COL14A1: variants seen among roughly 807,000 people sequenced by gnomAD.
COL14A1 encodes collagen alpha-1(XIV) chain.
Under a neutral mutation model 230.3 loss-of-function variants are expected in COL14A1, and 136 were observed. That is an observed-to-expected ratio of 0.59 (90% CI 0.51 to 0.68). COL14A1 has a LOEUF of 0.68. COL14A1 is among the 30% of genes least tolerant of loss of function. COL14A1 has a pLI of 0.00. For synonymous variants in COL14A1, 792 were observed against 784.1 expected, an observed-to-expected ratio of 1.01 and a Z score of -0.17; for missense variants, 1,976 against 2,215.8, an observed-to-expected ratio of 0.89 and a Z score of 2.17.
rs570900423 is a variant in COL14A1, at chr8:120,127,573, G to A, written c.-38+2233G>A. Among the ~76,000 whole-genome samples, 4 of 152,354 alleles carry A rather than the reference G, an allele frequency of 2.6e-5. No individual in the cohort carries two copies. The South Asian group carries it at 8.3e-4, about 32-fold the overall frequency. ...TCTTGATTTTTCAGAATCAGCCAGG[G>A]CTGCTCTTAAAAATGGGCTGAACAA... On this transcript the variant is annotated intron_variant, in intron 1 of 47. Transcript: ENST00000297848.
At chr8:120,318,021 T>C (rs1456233957) in intron 40 of COL14A1, among the ~76,000 whole-genome samples, 1 of 152,202 alleles carries the variant, frequency 6.6e-6, no homozygotes, top group Admixed American at 6.5e-5. Flanking sequence ...GTATGATTCC[T>C]GTGATGATTC....
chr8:120,340,281 C>T (rs1009465197), intron 42 of COL14A1, among the ~76,000 whole-genome samples: 8 of 152,130 alleles, frequency 5.3e-5, no homozygotes, highest in African/African-American at 1.9e-4. Flanking sequence ...AGCTTGAAAT[C>T]AGCTGTGATA....
chr8:120,320,807 A>G (rs1821412859), intron 40 of COL14A1, among the ~76,000 whole-genome samples: 1 of 152,182 alleles, frequency 6.6e-6, no homozygotes, highest in South Asian at 2.1e-4. Flanking sequence ...GTTGAGACTG[A>G]ACAGATTATT....
At chr8:120,331,982 A>G (rs1200559651) in intron 40 of COL14A1, among the ~76,000 whole-genome samples, 159 bp from the exon 41 acceptor site, 2 of 152,212 alleles carry the variant, frequency 1.3e-5, no homozygotes, top group East Asian at 3.9e-4. Flanking sequence ...AAACCTTGCC[A>G]AAAACAATTT....
At chr8:120,169,397 T>G (rs1816027897) in intron 5 of COL14A1, among the ~76,000 whole-genome samples, 5 of 152,204 alleles carry the variant, frequency 3.3e-5, no homozygotes, top group South Asian at 4.1e-4. Flanking sequence ...TTGAAATCCT[T>G]AATATTGAAA....
chr8:120,349,439 A>G (rs1822663940), intron 45 of COL14A1, among the ~76,000 whole-genome samples: 1 of 145,936 alleles, frequency 6.9e-6, no homozygotes, highest in Non-Finnish European at 1.5e-5. Context: ...AATTACTCTG[A>G]GCTACGGGAG....
At chr8:120,327,211 T>C (rs1586867408) in intron 40 of COL14A1, among the ~76,000 whole-genome samples, 2 of 152,152 alleles carry the variant, frequency 1.3e-5, no homozygotes, top group East Asian at 3.9e-4. Context: ...ACTTGGCAGG[T>C]GAACTACATC....
At chr8:120,262,774 A>G (rs897221777) in intron 23 of COL14A1, 94 bp from the exon 24 acceptor site, 1 of 1,235,868 alleles carries the variant, frequency 8.1e-7, no homozygotes. Context: ...GTGGGCTAAC[A>G]TGTGAAGTAT....
intron 2 of COL14A1, 29 bp downstream of exon 2, chr8:120,147,959 G>T (rs746274104): frequency 2.1e-6 from 3 of 1,442,292 alleles, no homozygotes; most frequent in Non-Finnish European, 1.9e-6. Context: ...AATCAGTAGG[G>T]TCTGGGACTC....
chr8:120,364,963 A>T (rs771356537), intron 45 of COL14A1, among the ~76,000 whole-genome samples: 3 of 151,870 alleles, frequency 2.0e-5, no homozygotes, highest in African/African-American at 7.3e-5. Flanking sequence ...TTGTGTCTTT[A>T]GGCATTTTCC....
chr8:120,313,678 T>C (rs1821116908), intron 37 of COL14A1, among the ~76,000 whole-genome samples: 1 of 152,246 alleles, frequency 6.6e-6, no homozygotes, highest in South Asian at 2.1e-4. Flanking sequence ...AGCACTCTTA[T>C]TTACAGAAGC....
At chr8:120,124,907 C>A (rs550805076), upstream of COL14A1, among the ~76,000 whole-genome samples, 1 of 152,118 alleles carries the variant, frequency 6.6e-6, no homozygotes, top group Non-Finnish European at 1.5e-5. Flanking sequence ...CTGGGGGGAC[C>A]GCCAGGTTCG....
At chr8:120,325,853 T>C (rs1479555944) in intron 40 of COL14A1, among the ~76,000 whole-genome samples, 1 of 152,124 alleles carries the variant, frequency 6.6e-6, no homozygotes, top group Non-Finnish European at 1.5e-5. Flanking sequence ...ATTAGCTCCT[T>C]GGTGTAAAAT....
chr8:120,262,438 C>T (rs1167462751), intron 23 of COL14A1, among the ~76,000 whole-genome samples: 5 of 151,984 alleles, frequency 3.3e-5, no homozygotes, highest in Non-Finnish European at 7.4e-5. Flanking sequence ...CACCATTGCA[C>T]TCCAGCCTGG....
intron 34 of COL14A1, among the ~76,000 whole-genome samples, chr8:120,293,653 G>A (rs956986526): frequency 2.0e-5 from 3 of 151,774 alleles, no homozygotes; most frequent in Admixed American, 6.6e-5. Flanking sequence ...TTTCATTCCT[G>A]TGCTTCTTCC....
At chr8:120,282,143 A>G (rs28755949) in intron 31 of COL14A1, among the ~76,000 whole-genome samples, 24,807 of 152,228 alleles carry the variant, frequency 0.16, 2,233 homozygotes, top group African/African-American at 0.22. Flanking sequence ...ACCATGGAAT[A>G]CTATGCAGCC....
At chr8:120,203,003 T>TATAC (rs951242344) in intron 8 of COL14A1, among the ~76,000 whole-genome samples, 16 of 81,196 alleles carry the variant, frequency 2.0e-4, no homozygotes, top group African/African-American at 5.8e-4. Flanking sequence ...TATATATATA[T>TATAC]ATATATATAT....
chr8:120,315,623 C>A (rs1297393559), intron 39 of COL14A1, 37 bp downstream of exon 39: 1 of 1,557,578 alleles, frequency 6.4e-7, no homozygotes, highest in Non-Finnish European at 8.8e-7. Flanking sequence ...TGCTCTCAGT[C>A]TACAACTTTG....
At chr8:120,267,116 G>T (rs1819522837) in intron 25 of COL14A1, 3 of 449,502 alleles carry the variant, frequency 6.7e-6, no homozygotes, top group Non-Finnish European at 1.2e-5. Context: ...TATTTTTTTT[G>T]AAATATCAGA....
Sources: gnomAD v4.1 joint callset for allele counts (sites outside exome capture counted in the v4.1 genomes callset) on GRCh38, gnomAD v4.1.1 for gene constraint, MANE v1.5 for transcripts, NCBI Gene and HGNC (gene_info 2026-07-23, HGNC 2026-07-21) for gene names.